FGD4: variants seen among roughly 807,000 people sequenced by gnomAD.
The protein encoded by FGD4 is FYVE, RhoGEF and PH domain containing 4.
A neutral mutation model predicts 102.0 loss-of-function variants in FGD4; 42 were observed. That is an observed-to-expected ratio of 0.41 (90% confidence interval 0.32 to 0.53). FGD4 has a LOEUF of 0.53. Ranked by LOEUF, FGD4 falls within the 20% of genes least tolerant of loss-of-function variation. The pLI, the probability that FGD4 is intolerant of heterozygous loss-of-function variation, is 0.21. For missense variants in FGD4, 902 were observed against 1,078.2 expected, an observed-to-expected ratio of 0.84 and a Z score of 2.29; for synonymous variants, 380 against 375.7, an observed-to-expected ratio of 1.01 and a Z score of -0.13.
intron 1 of FGD4, among the ~76,000 whole-genome samples, chr12:32,422,905 A>G (rs1455837984): frequency 6.6e-6 from 1 of 152,142 alleles, no homozygotes; most frequent in African/African-American, 2.4e-5. Context: ...ACGAGTGGGA[A>G]CTATTACCCT....
intron 1 of FGD4, among the ~76,000 whole-genome samples, chr12:32,425,263 G>A (rs1031591036): frequency 1.3e-5 from 2 of 152,180 alleles, no homozygotes; most frequent in African/African-American, 2.4e-5. Context: ...GTGTAAGGAA[G>A]CAGTCCAGTT....
At position 32,524,721 on chromosome 12, in the gene FGD4, A is replaced by G. The variant is rs144695910; in HGVS notation, c.167-39416A>G. ...GTGCCTGTAGTCTCAGCTACTTAAG[A>G]GGCTGAGGTGGGAGGATTGCTTGAG... On this transcript the variant is annotated intron_variant, in intron 1 of 16. Coordinates refer to ENST00000534526, the MANE Select transcript of FGD4 (RefSeq NM_001370298.3). Among the ~76,000 whole-genome samples, 923 of 152,048 alleles carry G rather than the reference A, an allele frequency of 6.1e-3. 4 individuals are homozygous for G. The highest frequency in any genetic ancestry group is 9.7e-3 in the Non-Finnish European group (660 of 68,008).
chr12:32,638,355 T>C (rs1950969711), intron 15 of FGD4, among the ~76,000 whole-genome samples: 1 of 152,154 alleles, frequency 6.6e-6, no homozygotes, highest in Admixed American at 6.6e-5. Context: ...AAAATGAAAA[T>C]ACTACCTTCT....
chr12:32,481,655 T>C (rs575078070), intron 1 of FGD4, among the ~76,000 whole-genome samples: 41 of 152,210 alleles, frequency 2.7e-4, no homozygotes, highest in African/African-American at 9.4e-4. Flanking sequence ...ACCCTGTCTC[T>C]ACTAAAAATA....
At chr12:32,453,223 A>G (rs1464697199) in intron 1 of FGD4, among the ~76,000 whole-genome samples, 4 of 54,002 alleles carry the variant, frequency 7.4e-5, no homozygotes, top group African/African-American at 3.2e-4. Context: ...TATATATAAT[A>G]TAGATATATA....
intron 1 of FGD4, among the ~76,000 whole-genome samples, chr12:32,505,501 C>G (rs1040418727): frequency 6.6e-6 from 1 of 152,138 alleles, no homozygotes; most frequent in Non-Finnish European, 1.5e-5. Context: ...TTTATAACTG[C>G]TCTTGAGTTT....
chr12:32,458,533 CCT>C (rs1670044522), intron 1 of FGD4, among the ~76,000 whole-genome samples: 1 of 152,028 alleles, frequency 6.6e-6, no homozygotes, highest in Non-Finnish European at 1.5e-5. Flanking sequence ...TAAGATATCC[CCT>C]GTGTGTGATA....
chr12:32,473,595 G>A (rs1943496608), intron 1 of FGD4, among the ~76,000 whole-genome samples: 1 of 152,056 alleles, frequency 6.6e-6, no homozygotes, highest in Non-Finnish European at 1.5e-5. Context: ...CACTCACCGC[G>A]AGGGTCTGCG....
Position 32,399,943 on chromosome 12 carries a change from GC to G in FGD4, c.153del (p.Ser52GlnfsTer14). The G allele has an allele frequency of 6.7e-7, 1 of 1,492,640 alleles. No homozygotes were observed. Among genetic ancestry groups the G allele is most frequent in the Non-Finnish European group, 8.9e-7 (1 of 1,127,046 alleles). 92.5% of individuals were successfully genotyped at this position (1,492,640 alleles called of 1,614,324 possible). A position where few individuals can be genotyped will look rare whatever the true frequency, so the allele number is the denominator to read the frequency against. The part of the protein sequence containing the change: ...VGTAAFKGQV[P>X]SGATGSSTCP... The stretch of plus-strand genomic sequence containing the variant: ...GGACCGCTGCCTTCAAGGGCCAGGT[GC>G]CCTCAGGAGCCACAGGTAAGCGCCT... On this transcript the variant is annotated frameshift_variant, in exon 1 of 17. Coordinates refer to ENST00000534526, the MANE Select transcript of FGD4 (RefSeq NM_001370298.3). LOFTEE classifies it high-confidence loss of function.
At chr12:32,604,051 T>C (rs543828481) in intron 7 of FGD4, among the ~76,000 whole-genome samples, 1 of 152,310 alleles carries the variant, frequency 6.6e-6, no homozygotes, top group African/African-American at 2.4e-5. Flanking sequence ...CTCTGTGGTT[T>C]GAGATGAGAA....
chr12:32,602,123 AT>A (rs756922402), intron 6 of FGD4, 37 bp from the exon 7 acceptor site: 165 of 1,570,282 alleles, frequency 1.1e-4, no homozygotes, highest in African/African-American at 3.4e-4. Flanking sequence ...TCAAAAAAAA[AT>A]TTTTTTTAAA....
At chr12:32,542,155 G>GGTTCGAAAA (rs113772909) in intron 1 of FGD4, among the ~76,000 whole-genome samples, 1 of 151,538 alleles carries the variant, frequency 6.6e-6, no homozygotes, top group Non-Finnish European at 1.5e-5. Context: ...GCAAAATACA[G>GGTTCGAAAA]GTTGAATGAG....
chr12:32,409,716 T>C (rs1029622490), intron 1 of FGD4, among the ~76,000 whole-genome samples: 1 of 152,194 alleles, frequency 6.6e-6, no homozygotes, highest in African/African-American at 2.4e-5. Flanking sequence ...CCTTAGTGAT[T>C]GATTGTTGGT....
chr12:32,480,709 C>T (rs1223912537), intron 1 of FGD4, among the ~76,000 whole-genome samples: 4 of 151,110 alleles, frequency 2.6e-5, no homozygotes, highest in Admixed American at 6.6e-5. Flanking sequence ...CCATGTTGGC[C>T]AGGATGCTCT....
rs1387512372 is a variant in FGD4, at chr12:32,506,979, G to C, written c.167-57158G>C. ...GTTTTAGGGCACATGTGCACAACGT[G>C]CAGGTTAGTTACATATGTATACATG... On this transcript the variant is annotated intron_variant, in intron 1 of 16. Transcript: ENST00000534526. The surrounding 1 kb of genome is among the most constrained non-coding windows in gnomAD (Gnocchi z 4.5). Among the ~76,000 whole-genome samples the C allele has an allele frequency of 1.3e-5, 2 of 151,960 alleles. No individual in the cohort carries two copies. Among genetic ancestry groups the C allele is most frequent in the Non-Finnish European group, 2.9e-5 (2 of 67,990 alleles).
intron 10 of FGD4, among the ~76,000 whole-genome samples, chr12:32,618,773 C>G (rs1447919199): frequency 6.6e-6 from 1 of 152,114 alleles, no homozygotes; most frequent in African/African-American, 2.4e-5. Flanking sequence ...GAGTTCAAGA[C>G]CAGCCTGGGC....
chr12:32,612,579 T>C (rs1276966183), intron 10 of FGD4, among the ~76,000 whole-genome samples: 2 of 152,220 alleles, frequency 1.3e-5, no homozygotes, highest in Non-Finnish European at 2.9e-5. Context: ...TATGATACTT[T>C]CGGAAATCCT....
intron 1 of FGD4, among the ~76,000 whole-genome samples, chr12:32,493,855 G>A (rs1053298731): frequency 3.0e-4 from 45 of 152,230 alleles, no homozygotes; most frequent in African/African-American, 1.0e-3. Flanking sequence ...AGTGACAGAG[G>A]TAGGAATAGT....
intron 1 of FGD4, among the ~76,000 whole-genome samples, chr12:32,512,446 CA>C (rs764927551): frequency 0.016 from 2,120 of 130,050 alleles, 43 homozygotes; most frequent in African/African-American, 0.049. Context: ...GACTCTGTCT[CA>C]AAAAAAAAAA....
Sources: allele counts gnomAD v4.1 joint callset (sites outside exome capture counted in the v4.1 genomes callset), GRCh38; gene constraint gnomAD v4.1.1; non-coding constraint Gnocchi (gnomAD v3.1); transcripts MANE v1.5; gene names NCBI Gene and HGNC (gene_info 2026-07-23, HGNC 2026-07-21).